Variants in CSMD1 observed in about 807,000 individuals in gnomAD.
CSMD1 encodes CUB and sushi domain-containing protein 1.
A neutral mutation model predicts 417.5 loss-of-function variants in CSMD1; 213 were observed. The ratio of observed to expected loss-of-function variants is 0.51; its 90% CI spans 0.46 to 0.57. The LOEUF (loss-of-function observed/expected upper bound fraction) is 0.57. Ranked by LOEUF, CSMD1 falls within the 20% of genes least tolerant of loss-of-function variation. The probability of loss-of-function intolerance (pLI) is 0.00; values close to 1 mark genes in which losing one functional copy is unlikely to be tolerated. For synonymous variants in CSMD1, 2,862 were observed against 1,736.8 expected (o/e 1.65, Z -16.11); for missense variants, 6,923 against 4,529.7 (o/e 1.53, Z -15.17).
At chr8:4,223,945 G>C (rs1394017729) in intron 3 of CSMD1, among the ~76,000 whole-genome samples, 3 of 152,122 alleles carry the variant, frequency 2.0e-5, no homozygotes, top group Admixed American at 2.0e-4. Context: ...GGTCCTTTGT[G>C]CTTGAACATA....
intron 3 of CSMD1, among the ~76,000 whole-genome samples, chr8:4,178,900 A>T (rs191225928): frequency 7.9e-5 from 12 of 152,170 alleles, no homozygotes; most frequent in Admixed American, 5.9e-4. Flanking sequence ...AAGGAGAACT[A>T]CAAACCACTG....
intron 3 of CSMD1, among the ~76,000 whole-genome samples, chr8:4,174,281 G>C (rs972074426): frequency 6.6e-6 from 1 of 152,116 alleles, no homozygotes; most frequent in African/African-American, 2.4e-5. Context: ...TAGAGGCTAA[G>C]TATTTCATCA....
At chr8:3,502,710 G>C (rs549425715) in intron 10 of CSMD1, among the ~76,000 whole-genome samples, 65 of 152,332 alleles carry the variant, frequency 4.3e-4, no homozygotes, top group African/African-American at 1.5e-3. Flanking sequence ...GGTTAGAAGA[G>C]GGAGGGATGA....
chr8:4,289,244 C>G (rs1201301320), intron 3 of CSMD1, among the ~76,000 whole-genome samples: 2 of 152,142 alleles, frequency 1.3e-5, no homozygotes. Flanking sequence ...TATTGTTATT[C>G]AACTGTTTTC....
chr8:3,504,971 G>A (rs1248647784), intron 10 of CSMD1, among the ~76,000 whole-genome samples: 1 of 151,708 alleles, frequency 6.6e-6, no homozygotes, highest in African/African-American at 2.4e-5. Flanking sequence ...ATTAACCAGT[G>A]CACCAGGGAA....
intron 3 of CSMD1, among the ~76,000 whole-genome samples, chr8:4,113,262 C>G (rs546678478): frequency 6.6e-6 from 1 of 152,124 alleles, no homozygotes; most frequent in East Asian, 1.9e-4. Flanking sequence ...CTGCACATCT[C>G]TCATTTTAAA....
At position 4,145,518 on chromosome 8, in the gene CSMD1, C is replaced by T. The variant is rs987791375; in HGVS notation, c.416-113419G>A. ...GAGCCCTGTCACCCTCAAACATTGTCATCTTGAATCCCATTCAGAATTTCT... is the reference window on the plus strand; with the variant it reads ...GAGCCCTGTCACCCTCAAACATTGTTATCTTGAATCCCATTCAGAATTTCT... On this transcript the variant is annotated intron_variant, in intron 3 of 69. Coordinates refer to ENST00000635120, the MANE Select transcript of CSMD1 (RefSeq NM_033225.6). Among the ~76,000 whole-genome samples, 6 of 151,014 alleles carry T rather than the reference C, an allele frequency of 4.0e-5. 1 individual carries two copies. Among genetic ancestry groups the T allele is most frequent in the African/African-American group, 1.5e-4 (6 of 40,346 alleles).
At chr8:4,754,594 G>A (rs529578800) in intron 1 of CSMD1, among the ~76,000 whole-genome samples, 102 of 151,254 alleles carry the variant, frequency 6.7e-4, no homozygotes, top group African/African-American at 2.4e-3. Flanking sequence ...GCTCATGTCT[G>A]TAATCCTAGA....
At chr8:2,939,572 A>C (rs1440841897) in intron 69 of CSMD1, among the ~76,000 whole-genome samples, 2 of 152,176 alleles carry the variant, frequency 1.3e-5, no homozygotes, top group East Asian at 3.9e-4. Context: ...GAAATCAGGT[A>C]AGAAAAATGT....
intron 5 of CSMD1, among the ~76,000 whole-genome samples, chr8:3,778,779 G>A (rs1229072924): frequency 6.6e-6 from 1 of 152,176 alleles, no homozygotes; most frequent in Admixed American, 6.5e-5. Context: ...GGGTATCATG[G>A]AGCCTTGTTT....
intron 26 of CSMD1, among the ~76,000 whole-genome samples, chr8:3,258,856 C>G (rs1322773151): frequency 6.6e-6 from 1 of 152,176 alleles, no homozygotes; most frequent in Non-Finnish European, 1.5e-5. Flanking sequence ...AAACCAAATA[C>G]TGCATGTTTT....
At chr8:3,976,926 G>A (rs944897232) in intron 5 of CSMD1, among the ~76,000 whole-genome samples, 2 of 152,156 alleles carry the variant, frequency 1.3e-5, no homozygotes, top group African/African-American at 2.4e-5. Flanking sequence ...CATTTACATA[G>A]TGTCTAGTAC....
At chr8:3,475,590 T>A (rs138236625) in intron 11 of CSMD1, among the ~76,000 whole-genome samples, 26 of 152,302 alleles carry the variant, frequency 1.7e-4, no homozygotes, top group African/African-American at 6.0e-4. Context: ...AACAAGAGAA[T>A]TGTATTAATC....
intron 1 of CSMD1, among the ~76,000 whole-genome samples, chr8:4,642,240 G>A (rs925884764): frequency 1.3e-5 from 2 of 152,130 alleles, no homozygotes; most frequent in African/African-American, 2.4e-5. Flanking sequence ...CTTGGAGGCC[G>A]GAAAACACAT....
intron 1 of CSMD1, among the ~76,000 whole-genome samples, chr8:4,757,989 G>C (rs899147): frequency 6.7e-6 from 1 of 149,300 alleles, no homozygotes; most frequent in African/African-American, 2.5e-5. Context: ...AAGGAAAAGA[G>C]AAGAAAGCAC....
intron 2 of CSMD1, among the ~76,000 whole-genome samples, chr8:4,545,186 G>C (rs866572663): frequency 5.3e-5 from 8 of 152,200 alleles, no homozygotes; most frequent in Non-Finnish European, 8.8e-5. Context: ...AAACAGCTAT[G>C]AGAACCTGAA....
rs757742322 is a variant in CSMD1, at chr8:3,118,568, A to G, written c.6261T>C (p.Cys2087=). 2 of 1,613,576 alleles carry G rather than the reference A, an allele frequency of 1.2e-6. No individual in the cohort carries two copies. Among genetic ancestry groups the G allele is most frequent in the East Asian group, 2.2e-5 (1 of 44,864 alleles). ...CATTCTGAAATGGGGGTGGATCTGG[A>G]CAGTTCTGTAATTCATAGGCTGAAA... is the stretch of plus-strand genomic sequence containing the variant. The part of the protein sequence containing the change: ...LAYQAYELQN[C]PDPPPFQNGY... The change falls in exon 42 of 70, where the codon TGT becomes TGC. Residue 2087 remains cysteine (C), a synonymous_variant. Coordinates refer to ENST00000635120, the MANE Select transcript of CSMD1 (RefSeq NM_033225.6).
chr8:3,532,075 C>G (rs1185638841), intron 10 of CSMD1, among the ~76,000 whole-genome samples: 1 of 152,220 alleles, frequency 6.6e-6, no homozygotes, highest in East Asian at 1.9e-4. Context: ...ATTAGCTCGT[C>G]TATGAAAGCC....
intron 8 of CSMD1, among the ~76,000 whole-genome samples, chr8:3,599,099 T>C (rs1234777011): frequency 4.0e-5 from 6 of 150,928 alleles, no homozygotes. Context: ...AAAGAAAAGC[T>C]GACATTGGAT....
Sources: allele counts gnomAD v4.1 joint callset (sites outside exome capture counted in the v4.1 genomes callset), GRCh38; gene constraint gnomAD v4.1.1; transcripts MANE v1.5; gene names NCBI Gene and HGNC (gene_info 2026-07-23, HGNC 2026-07-21).